The following DTX1 variants were observed in gnomAD, a reference collection of about 807,000 sequenced individuals.
The protein encoded by DTX1 is E3 ubiquitin-protein ligase DTX1.
In DTX1, 26 loss-of-function variants were observed where a neutral mutation model predicts 57.8. The observed-to-expected ratio is 0.45, with a 90% confidence interval of 0.33 to 0.62. DTX1 has a LOEUF of 0.62. DTX1 is among the 20% of genes least tolerant of loss of function. The pLI is 0.02. For missense variants in DTX1, 704 were observed against 895.3 expected (o/e 0.79, Z 2.73); for synonymous variants, 398 against 394.1 (o/e 1.01, Z -0.12).
rs189014577 is a variant in DTX1 at position 113,081,513 on chromosome 12, C to G, written c.941+3408C>G. Among the ~76,000 whole-genome samples, 264 of 152,220 alleles carry G rather than the reference C, an allele frequency of 1.7e-3. 1 individual carries two copies. The highest frequency in any genetic ancestry group is 5.2e-3 in the South Asian group (25 of 4,826). On this transcript the variant is annotated intron_variant, in intron 3 of 9. Transcript: ENST00000548759. ...CACACAGACAGATGGGGAGACAGAC[C>G]TACAGCAAGCAAAGAGTAAATGAAG...
At chr12:113,070,726 G>C (rs2044732716) in intron 2 of DTX1, among the ~76,000 whole-genome samples, 1 of 152,230 alleles carries the variant, frequency 6.6e-6, no homozygotes, top group African/African-American at 2.4e-5. Flanking sequence ...TCCATCGCTG[G>C]AAGTATCCTA....
chr12:113,066,467 G>C (rs149938685), intron 2 of DTX1, among the ~76,000 whole-genome samples: 60 of 151,696 alleles, frequency 4.0e-4, no homozygotes, highest in Non-Finnish European at 6.5e-4. Context: ...GGTGGAGGTA[G>C]CAGTGAGCTG....
At chr12:113,085,593 A>G (rs985135442) in intron 3 of DTX1, among the ~76,000 whole-genome samples, 3 of 152,158 alleles carry the variant, frequency 2.0e-5, no homozygotes, top group South Asian at 2.1e-4. Context: ...TTAATTTGCA[A>G]GTGTTCTTCC....
At position 113,097,815 on chromosome 12, in the gene DTX1, G is replaced by A. The variant is rs1008082843; in HGVS notation, c.*876G>A. ...TTTAAAGCAGAGTGGACAGCAGAGA[G>A]TCAATTTCCCTTTCGTTGGGAGTGG... On this transcript the variant is annotated 3_prime_UTR_variant, in exon 10 of 10. Transcript: ENST00000548759. 3.9e-5 allele frequency: 6 copies of A among 152,724 alleles called. No homozygotes were observed. Among genetic ancestry groups the A allele is most frequent in the African/African-American group, 1.4e-4 (6 of 41,468 alleles). 9.5% of individuals were successfully genotyped at this position (152,724 alleles called of 1,614,324 possible).
rs1368736759 is a variant in DTX1 at position 113,077,308 on chromosome 12, G to A, written c.260-116G>A. ...TCCCCAAGTCTGGGTGGACCCCCTG[G>A]AGGCCTGTGCTGACCCCCCAACCTC... On this transcript the variant is annotated intron_variant, in intron 2 of 9. Coordinates refer to ENST00000548759, the MANE Select transcript of DTX1 (RefSeq NM_004416.3). This position sits in a 1 kb window ranked among gnomAD's most constrained non-coding sequence, Gnocchi z 7.8. The A allele has an allele frequency of 1.4e-5, 17 of 1,205,976 alleles. No homozygotes were observed. The highest frequency in any genetic ancestry group is 1.9e-5 in the Non-Finnish European group (17 of 886,368). The allele number at this position is 1,205,976 out of a possible 1,614,324, so 74.7% of individuals were successfully genotyped here.
At chr12:113,059,784 T>C (rs2044653745) in intron 2 of DTX1, among the ~76,000 whole-genome samples, 1 of 152,190 alleles carries the variant, frequency 6.6e-6, no homozygotes, top group African/African-American at 2.4e-5. Flanking sequence ...TGCCAACCAA[T>C]ATGTTAGCCA....
At chr12:113,069,955 T>G (rs1223268604) in intron 2 of DTX1, among the ~76,000 whole-genome samples, 1 of 152,156 alleles carries the variant, frequency 6.6e-6, no homozygotes, top group Non-Finnish European at 1.5e-5. Flanking sequence ...TGTCACTTAC[T>G]TACCATGCAA....
chr12:113,077,388 C>G lies in DTX1; in HGVS notation c.260-36C>G. 1 of 1,562,386 alleles carries G rather than the reference C, an allele frequency of 6.4e-7. No homozygotes were observed. Among genetic ancestry groups the G allele is most frequent in the Non-Finnish European group, 8.6e-7 (1 of 1,161,286 alleles). On this transcript the variant is annotated intron_variant, in intron 2 of 9. Transcript: ENST00000548759. This position sits in a 1 kb window ranked among gnomAD's most constrained non-coding sequence, Gnocchi z 7.8. ...CCTTCCAGCCGCGCAGACCAACGCC[C>G]GCTGTGCTGACGCCTCCTCCCCATT...
intron 9 of DTX1, among the ~76,000 whole-genome samples, chr12:113,096,433 C>G (rs1452497788): frequency 4.4e-5 from 3 of 68,762 alleles, no homozygotes; most frequent in Non-Finnish European, 7.4e-5. Context: ...CAGCAAGACT[C>G]TGCCTCAAAA....
rs1040354216 is a variant in DTX1 at position 113,093,845 on chromosome 12, T to C, written c.1165+145T>C. ...CTCAGCTCCCCTTGCCCTGGCCCCATCTTTCACCAGCTCCTGTTACAGCTA... is the reference window on the plus strand; with the variant it reads ...CTCAGCTCCCCTTGCCCTGGCCCCACCTTTCACCAGCTCCTGTTACAGCTA... On this transcript the variant is annotated intron_variant, in intron 5 of 9. Transcript: ENST00000548759. The surrounding 1 kb of genome is among the most constrained non-coding windows in gnomAD (Gnocchi z 4.2). 2.4e-5 allele frequency: 35 copies of C among 1,429,670 alleles called. No homozygotes were observed. The highest frequency in any genetic ancestry group is 3.2e-5 in the Non-Finnish European group (34 of 1,048,426). The allele number at this position is 1,429,670 out of a possible 1,614,324, so 88.6% of individuals were successfully genotyped here. A position where few individuals can be genotyped will look rare whatever the true frequency, so the allele number is the denominator to read the frequency against.
rs1192535189 is a variant in DTX1, at chr12:113,095,200, C to A, written c.1545C>A (p.Ile515=). 6.2e-7 allele frequency: 1 copy of A among 1,604,066 alleles called. No individual in the cohort carries two copies. Among genetic ancestry groups the A allele is most frequent in the African/African-American group, 1.3e-5 (1 of 74,730 alleles). The change falls in exon 8 of 10, where the codon ATC becomes ATA. Residue 515 remains isoleucine (I), a synonymous_variant. Coordinates refer to ENST00000548759, the MANE Select transcript of DTX1 (RefSeq NM_004416.3). ...TCGTCTATGACATCCCCACAGGCAT[C>A]CAGGTGGGCTCCCCTTCCGCCTCTC... ...IRIVYDIPTG[I]QGPEHPNPGK...
At chr12:113,064,519 G>C (rs568144981) in intron 2 of DTX1, among the ~76,000 whole-genome samples, 1 of 152,314 alleles carries the variant, frequency 6.6e-6, no homozygotes, top group Admixed American at 6.5e-5. Context: ...GTCTAGTGAA[G>C]GTGAAGGCAA....
chr12:113,097,298 A>AC lies in DTX1; in HGVS notation c.*366dup, dbSNP rs949023231. 3.6e-5 allele frequency: 8 copies of AC among 225,234 alleles called. No homozygotes were observed. Among genetic ancestry groups the AC allele is most frequent in the East Asian group, 1.2e-4 (1 of 8,438 alleles). The allele number at this position is 225,234 out of a possible 1,614,324, so 14.0% of individuals were successfully genotyped here. ...AGAGAAGAGACAGAAAGACCCCATG[A>AC]CCCCCCCATGTGGATCCCCATCTGT... On this transcript the variant is annotated 3_prime_UTR_variant, in exon 10 of 10. Coordinates refer to ENST00000548759, the MANE Select transcript of DTX1 (RefSeq NM_004416.3).
At chr12:113,086,569 G>A (rs1485307135) in intron 3 of DTX1, among the ~76,000 whole-genome samples, 1 of 152,220 alleles carries the variant, frequency 6.6e-6, no homozygotes, top group Non-Finnish European at 1.5e-5. Context: ...GCTGAGCATA[G>A]ACCGCAGTGG....
intron 2 of DTX1, among the ~76,000 whole-genome samples, chr12:113,070,160 G>T (rs1309039384): frequency 6.6e-6 from 1 of 152,098 alleles, no homozygotes; most frequent in African/African-American, 2.4e-5. Flanking sequence ...ACCTCCTAGG[G>T]GTGCTAAACA....
rs767719944 is a variant in DTX1, at chr12:113,097,307, T to C, written c.*368T>C. On this transcript the variant is annotated 3_prime_UTR_variant, in exon 10 of 10. Coordinates refer to ENST00000548759, the MANE Select transcript of DTX1 (RefSeq NM_004416.3). ...ACAGAAAGACCCCATGACCCCCCCATGTGGATCCCCATCTGTGTCTCAGTT... is the reference window on the plus strand; with the variant it reads ...ACAGAAAGACCCCATGACCCCCCCACGTGGATCCCCATCTGTGTCTCAGTT... The C allele has an allele frequency of 6.8e-5, 15 of 222,108 alleles. No homozygotes were observed. The highest frequency in any genetic ancestry group is 1.1e-4 in the Non-Finnish European group (13 of 113,308). The allele number at this position is 222,108 out of a possible 1,614,324, so 13.8% of individuals were successfully genotyped here. A position where few individuals can be genotyped will look rare whatever the true frequency, so the allele number is the denominator to read the frequency against.
In DTX1 at chr12:113,058,048, C is replaced by G. The variant is rs1414118707; in HGVS notation, c.-145C>G. 7.6e-7 allele frequency: 1 copy of G among 1,318,400 alleles called. No homozygotes were observed. The highest frequency in any genetic ancestry group is 1.5e-5 in the African/African-American group (1 of 67,352). 81.7% of individuals were successfully genotyped at this position (1,318,400 alleles called of 1,614,324 possible). A position where few individuals can be genotyped will look rare whatever the true frequency, so the allele number is the denominator to read the frequency against. On this transcript the variant is annotated 5_prime_UTR_variant, in exon 2 of 10. Coordinates refer to ENST00000548759, the MANE Select transcript of DTX1 (RefSeq NM_004416.3). ...CATTCCTTTAACGGAGGTCTCTAGG[C>G]CTCAGAGAGAACCCAGAGTTAGAAA...
At chr12:113,074,722 A>G (rs1182819154) in intron 2 of DTX1, among the ~76,000 whole-genome samples, 1 of 152,242 alleles carries the variant, frequency 6.6e-6, no homozygotes, top group Non-Finnish European at 1.5e-5. Flanking sequence ...TGGTCCAGGC[A>G]GGAGAGATAA....
At chr12:113,076,999 C>CT (rs140829150) in intron 2 of DTX1, among the ~76,000 whole-genome samples, 2 of 152,164 alleles carry the variant, frequency 1.3e-5, no homozygotes, top group Non-Finnish European at 2.9e-5. Flanking sequence ...ACTTCAGTGT[C>CT]TGTCTTGGCC....
Sources: gnomAD v4.1 joint callset for allele counts (sites outside exome capture counted in the v4.1 genomes callset) on GRCh38, gnomAD v4.1.1 for gene constraint, Gnocchi (gnomAD v3.1) non-coding constraint, MANE v1.5 for transcripts, NCBI Gene and HGNC (gene_info 2026-07-23, HGNC 2026-07-21) for gene names.